The following RGS12 variants were observed in gnomAD, a reference collection of about 807,000 sequenced individuals.
The protein encoded by RGS12 is regulator of G protein signaling 12.
A neutral mutation model predicts 120.1 loss-of-function variants in RGS12; 66 were observed. The observed-to-expected ratio is 0.55, with a 90% CI of 0.45 to 0.67. The LOEUF (loss-of-function observed/expected upper bound fraction) is 0.67. Ranked by LOEUF, RGS12 falls within the 30% of genes least tolerant of loss-of-function variation. RGS12 has a pLI of 0.00. For missense variants in RGS12, 1,859 were observed against 1,957.7 expected (o/e 0.95, Z 0.95); for synonymous variants, 827 against 804.7 (o/e 1.03, Z -0.47).
At chr4:3,430,361 T>C (rs1412942463) in intron 16 of RGS12, 46 bp from the exon 17 acceptor site, 1 of 1,527,024 alleles carries the variant, frequency 6.5e-7, no homozygotes, top group Non-Finnish European at 8.9e-7. Context: ...CAGTCATTAA[T>C]GTGAAACTCT....
chr4:3,432,304 G>A, intron 17 of RGS12: 1 of 513,832 alleles, frequency 1.9e-6, no homozygotes, highest in Non-Finnish European at 2.5e-6. Flanking sequence ...TAATCTACTG[G>A]CTTTTAAAAA....
At chr4:3,351,934 T>A (rs895184489) in intron 3 of RGS12, among the ~76,000 whole-genome samples, 1 of 152,198 alleles carries the variant, frequency 6.6e-6, no homozygotes, top group African/African-American at 2.4e-5. Flanking sequence ...GGCCATCCCA[T>A]ACCCATTATT....
At chr4:3,313,767 C>T (rs1050821164) in intron 1 of RGS12, among the ~76,000 whole-genome samples, 2 of 152,114 alleles carry the variant, frequency 1.3e-5, no homozygotes, top group African/African-American at 4.8e-5. Flanking sequence ...CTCATGTGGC[C>T]GTCCCCTCTG....
chr4:3,414,181 C>T lies in RGS12; in HGVS notation c.2130C>T (p.Ala710=). 6.4e-7 allele frequency: 1 copy of T among 1,552,400 alleles called. No homozygotes were observed. The highest frequency in any genetic ancestry group is 1.2e-5 in the South Asian group (1 of 84,864). Residue 710 remains alanine, a synonymous_variant, in exon 5 of 18, where the codon GCC becomes GCT. Transcript: ENST00000336727. ...GGCGCCTGCGTGAGAGGAGGGTCGC[C>T]AGCTGGGCCGTGTCCTTTGAGCGCC... The part of the protein sequence containing the change: ...SCRRLRERRV[A]SWAVSFERLL...
intron 3 of RGS12, among the ~76,000 whole-genome samples, chr4:3,367,866 T>C (rs1716493447): frequency 6.6e-6 from 1 of 152,224 alleles, no homozygotes; most frequent in South Asian, 2.1e-4. Context: ...CTGTTGTTAG[T>C]GACCGGACAG....
Position 3,428,657 on chromosome 4 carries a change from A to G in RGS12, c.3511A>G (p.Ile1171Val), listed in dbSNP as rs767585364. The G allele has an allele frequency of 3.9e-5, 62 of 1,598,010 alleles. 1 individual carries two copies. The highest frequency in any genetic ancestry group is 5.4e-5 in the African/African-American group (4 of 73,946). The change falls in exon 16 of 18, where the codon ATT becomes GTT. Residue 1171 changes from isoleucine to valine, a missense_variant. Physicochemically the swap from Ile to Val is conservative, Grantham distance 29. Coordinates refer to ENST00000336727, the MANE Select transcript of RGS12 (RefSeq NM_001394154.1). ...DPRLSKREES[I>V]AKIGKKKYQK... is the part of the protein sequence containing the mutation. Reference sequence around the variant, plus strand: ...CCGGCTTTCAAAGAGAGAAGAATCTATTGCAAAGATTGGGAAAAAAAAATA... The same window carrying G: ...CCGGCTTTCAAAGAGAGAAGAATCTGTTGCAAAGATTGGGAAAAAAAAATA...
At chr4:3,420,538 T>A in intron 9 of RGS12, 104 bp from the exon 10 acceptor site, 1 of 1,132,816 alleles carries the variant, frequency 8.8e-7, no homozygotes. Context: ...GGGGGGGGCT[T>A]CCTGGCGTCT....
chr4:3,398,476 A>G (rs546476086), intron 4 of RGS12, among the ~76,000 whole-genome samples: 1 of 152,354 alleles, frequency 6.6e-6, no homozygotes, highest in Non-Finnish European at 1.5e-5. Context: ...GAAAACAAAC[A>G]AACAAACAAC....
chr4:3,342,836 G>A, intron 2 of RGS12, 101 bp from the exon 3 acceptor site: 1 of 826,984 alleles, frequency 1.2e-6, no homozygotes, highest in Non-Finnish European at 2.0e-6. Context: ...AAAAGTCTTT[G>A]TTCCACAGTA....
In RGS12 at chr4:3,416,455, C is replaced by T. The variant is rs147489626; in HGVS notation, c.2427+334C>T. 9.0e-4 allele frequency among the ~76,000 whole-genome samples: 137 copies of T among 152,278 alleles called. 4 individuals are homozygous for T. The highest frequency in any genetic ancestry group is 6.9e-4 in the Non-Finnish European group (47 of 68,026). ...CGCATCTGCGTTTGAAGTTTTGCATCGTAGGACATTGCTGTGGTCATGGGC... is the reference window on the plus strand; with the variant it reads ...CGCATCTGCGTTTGAAGTTTTGCATTGTAGGACATTGCTGTGGTCATGGGC... On this transcript the variant is annotated intron_variant, in intron 7 of 17. Coordinates refer to ENST00000336727, the MANE Select transcript of RGS12 (RefSeq NM_001394154.1).
At position 3,372,823 on chromosome 4, in the gene RGS12, G is replaced by T. The variant is rs1198492350; in HGVS notation, c.1999-13593G>T. ...TCAGGCTGCCAGAGCGTGACAGAAA[G>T]AACTTTCTAGAGACCACAGGGCTTC... is the stretch of plus-strand genomic sequence containing the variant. On this transcript the variant is annotated intron_variant, in intron 3 of 17. Transcript: ENST00000336727. The surrounding 1 kb of genome is among the most constrained non-coding windows in gnomAD (Gnocchi z 4.3). 2.0e-5 allele frequency among the ~76,000 whole-genome samples: 3 copies of T among 152,348 alleles called. No individual in the cohort carries two copies. The highest frequency in any genetic ancestry group is 4.4e-5 in the Non-Finnish European group (3 of 68,032).
chr4:3,374,367 G>A lies in RGS12; in HGVS notation c.1999-12049G>A, dbSNP rs1717398256. ...ACGGGGGAGGCCTAGGCTGGGCGGG[G>A]ACCGGTCTCCTTCCGCCACCACCTT... On this transcript the variant is annotated intron_variant, in intron 3 of 17. Coordinates refer to ENST00000336727, the MANE Select transcript of RGS12 (RefSeq NM_001394154.1). This position sits in a 1 kb window ranked among gnomAD's most constrained non-coding sequence, Gnocchi z 6.3. 6.6e-6 allele frequency among the ~76,000 whole-genome samples: 1 copy of A among 152,144 alleles called. No individual in the cohort carries two copies. The highest frequency in any genetic ancestry group is 2.1e-4 in the South Asian group (1 of 4,820).
chr4:3,327,590 C>T (rs374101034), intron 2 of RGS12, among the ~76,000 whole-genome samples: 5 of 152,254 alleles, frequency 3.3e-5, no homozygotes, highest in East Asian at 3.9e-4. Flanking sequence ...AACAAAATAA[C>T]GCCATTAAAA....
At chr4:3,392,729 C>G (rs1719634169) in intron 4 of RGS12, among the ~76,000 whole-genome samples, 1 of 152,194 alleles carries the variant, frequency 6.6e-6, no homozygotes, top group South Asian at 2.1e-4. Flanking sequence ...TGGTTCATGC[C>G]TGTAATCCCA....
chr4:3,375,787 G>A (rs1318888509), intron 3 of RGS12, among the ~76,000 whole-genome samples: 3 of 152,004 alleles, frequency 2.0e-5, no homozygotes, highest in Non-Finnish European at 4.4e-5. Flanking sequence ...CACGGGATGA[G>A]CTCCTGGTGG....
At chr4:3,420,534 G>A in intron 9 of RGS12, 108 bp from the exon 10 acceptor site, 16 of 1,000,166 alleles carry the variant, frequency 1.6e-5, no homozygotes, top group South Asian at 2.7e-5. Flanking sequence ...GGGTGGGGGG[G>A]GCTTCCTGGC....
intron 3 of RGS12, among the ~76,000 whole-genome samples, chr4:3,362,972 T>A (rs1399199034): frequency 6.7e-6 from 1 of 149,610 alleles, no homozygotes; most frequent in Non-Finnish European, 1.5e-5. Context: ...TGAAGGCATG[T>A]GTGTGAGGGT....
At chr4:3,396,307 T>C (rs1397558789) in intron 4 of RGS12, among the ~76,000 whole-genome samples, 2 of 152,256 alleles carry the variant, frequency 1.3e-5, no homozygotes, top group Admixed American at 1.3e-4. Context: ...GTTCTTAATA[T>C]AATCCAGTTT....
intron 2 of RGS12, among the ~76,000 whole-genome samples, chr4:3,331,976 G>A (rs1433462040): frequency 6.6e-6 from 1 of 152,224 alleles, no homozygotes; most frequent in Non-Finnish European, 1.5e-5. Flanking sequence ...TCTGGGGAAT[G>A]GTATCGCAGT....
Sources: gnomAD v4.1 joint callset for allele counts (sites outside exome capture counted in the v4.1 genomes callset) on GRCh38, gnomAD v4.1.1 for gene constraint, Gnocchi (gnomAD v3.1) non-coding constraint, MANE v1.5 for transcripts, NCBI Gene and HGNC (gene_info 2026-07-23, HGNC 2026-07-21) for gene names.